The following MINK1 variants were observed in gnomAD, a reference collection of about 807,000 sequenced individuals.
MINK1 encodes misshapen like kinase 1, also known as misshapen-like kinase 1.
MINK1 carries 46 observed loss-of-function variants against 178.4 expected under a neutral mutation model. That is an observed-to-expected ratio of 0.26 (90% CI 0.20 to 0.33). The LOEUF is 0.33. Among genes scored for constraint, MINK1 ranks in the 10% least tolerant of loss-of-function variants. The pLI is 1.00. For missense variants in MINK1, 1,366 were observed against 1,814.9 expected (o/e 0.75, Z 4.49); for synonymous variants, 797 against 709.7 (o/e 1.12, Z -1.96).
chr17:4,850,730 C>T (rs148264410), intron 1 of MINK1, among the ~76,000 whole-genome samples: 11 of 152,240 alleles, frequency 7.2e-5, no homozygotes, highest in African/African-American at 2.6e-4. Context: ...TAGTCTCTTC[C>T]TTGGGTTTGT....
At chr17:4,853,561 T>A (rs1389528251) in intron 1 of MINK1, among the ~76,000 whole-genome samples, 2 of 151,938 alleles carry the variant, frequency 1.3e-5, no homozygotes, top group East Asian at 3.9e-4. Context: ...ACATTTCACT[T>A]GTTAGAGCCC....
In MINK1 at chr17:4,885,040, AC is replaced by A. The variant is rs747994763; in HGVS notation, c.508+40del. 1 of 1,598,352 alleles carries A rather than the reference AC, an allele frequency of 6.3e-7. No individual in the cohort carries two copies. Among genetic ancestry groups the A allele is most frequent in the East Asian group, 2.2e-5 (1 of 44,708 alleles). On this transcript the variant is annotated intron_variant, in intron 6 of 31. Transcript: ENST00000355280. This position sits in a 1 kb window ranked among gnomAD's most constrained non-coding sequence, Gnocchi z 5.0. The stretch of plus-strand genomic sequence containing the variant: ...CTTCTGAGGCTGACGAGGACCTTTC[AC>A]CTCCAGAACAGAGAATGAGGGGCCC...
In MINK1 at chr17:4,897,536, T is replaced by C; in HGVS notation, c.*249T>C. 2.1e-6 allele frequency: 1 copy of C among 486,344 alleles called. No homozygotes were observed. The highest frequency in any genetic ancestry group is 2.5e-5 in the South Asian group (1 of 40,000). The allele number at this position is 486,344 out of a possible 1,614,324, so 30.1% of individuals were successfully genotyped here. The stretch of plus-strand genomic sequence containing the variant: ...TCTGGGGAGGGACACAGCTTCCCCT[T>C]CCCAGGAATTGAGTGGGCCTAGCCC... On this transcript the variant is annotated 3_prime_UTR_variant, in exon 32 of 32. Transcript: ENST00000355280.
In MINK1 at chr17:4,897,478, GTCC is replaced by G. The variant is rs1160076461; in HGVS notation, c.*194_*196del. ...ACGTGACCATCCTCTTCCCCAACATGTCCTCTTCCCAAAACTGTGCCTGTCCCC... is the reference window on the plus strand; with the variant it reads ...ACGTGACCATCCTCTTCCCCAACATGTCTTCCCAAAACTGTGCCTGTCCCC... On this transcript the variant is annotated 3_prime_UTR_variant, in exon 32 of 32. Transcript: ENST00000355280. 1.8e-6 allele frequency: 1 copy of G among 571,246 alleles called. No individual in the cohort carries two copies. Among genetic ancestry groups the G allele is most frequent in the African/African-American group, 1.9e-5 (1 of 52,696 alleles). 35.4% of individuals were successfully genotyped at this position (571,246 alleles called of 1,614,324 possible).
At chr17:4,849,507 CTT>C (rs1203445391) in intron 1 of MINK1, among the ~76,000 whole-genome samples, 1 of 152,204 alleles carries the variant, frequency 6.6e-6, no homozygotes, top group Non-Finnish European at 1.5e-5. Context: ...TGCCTTGAGC[CTT>C]TGTGTGCTCC....
In MINK1 at chr17:4,839,037, A is replaced by G. The variant is rs371839069; in HGVS notation, c.57+5397A>G. Among the ~76,000 whole-genome samples the G allele has an allele frequency of 1.5e-4, 22 of 150,740 alleles. No individual in the cohort carries two copies. The South Asian group carries it at 1.5e-3, about 10-fold the overall frequency. On this transcript the variant is annotated intron_variant, in intron 1 of 31. Transcript: ENST00000355280. ...TGGCTCACTGCAAGCTCCACCTCCC[A>G]GGTTCACGCCATTCTCCTGCTTCAG...
intron 1 of MINK1, among the ~76,000 whole-genome samples, chr17:4,851,476 G>C (rs552755900): frequency 4.3e-4 from 66 of 152,108 alleles, no homozygotes; most frequent in Non-Finnish European, 7.8e-4. Context: ...TTCCATCTTA[G>C]AGCCTTCCTG....
chr17:4,893,359 G>C, intron 20 of MINK1, 75 bp from the exon 21 acceptor site: 1 of 1,612,574 alleles, frequency 6.2e-7, no homozygotes, highest in Admixed American at 1.7e-5. Flanking sequence ...GCCCTGCTGG[G>C]GTGTCCCGGC....
At chr17:4,852,473 G>A (rs1054040903) in intron 1 of MINK1, among the ~76,000 whole-genome samples, 5 of 151,666 alleles carry the variant, frequency 3.3e-5, no homozygotes, top group Non-Finnish European at 5.9e-5. Flanking sequence ...AGTGGAGGTC[G>A]GGAGGCACAG....
Position 4,897,398 on chromosome 17 carries a change from A to G in MINK1, c.*111A>G. The stretch of plus-strand genomic sequence containing the variant: ...CTGGGCTTTTGCTTTTACTGGTTTG[A>G]TTTCACTGGAGCCTGCTGGGAACGT... On this transcript the variant is annotated 3_prime_UTR_variant, in exon 32 of 32. Transcript: ENST00000355280. 2.1e-6 allele frequency: 2 copies of G among 956,212 alleles called. No homozygotes were observed. Among genetic ancestry groups the G allele is most frequent in the Non-Finnish European group, 1.6e-6 (1 of 625,338 alleles). 59.2% of individuals were successfully genotyped at this position (956,212 alleles called of 1,614,324 possible).
At chr17:4,877,091 G>GAA (rs1010571846) in intron 1 of MINK1, among the ~76,000 whole-genome samples, 1 of 100,520 alleles carries the variant, frequency 9.9e-6, no homozygotes, top group African/African-American at 3.7e-5. Context: ...AGTCTCAAAA[G>GAA]AAAAAAAAAA....
chr17:4,850,474 T>C (rs1437209002), intron 1 of MINK1, among the ~76,000 whole-genome samples: 1 of 152,064 alleles, frequency 6.6e-6, no homozygotes, highest in Non-Finnish European at 1.5e-5. Context: ...AACCCTGTTC[T>C]TTCTCAGAGT....
At position 4,885,747 on chromosome 17, in the gene MINK1, C is replaced by A. The variant is rs531929726; in HGVS notation, c.639+134C>A. ...CAGTGAGGGGCTGGGGAACATCTTA[C>A]GGCAAGGCAAGTGTGGGTGGGAAGA... On this transcript the variant is annotated intron_variant, in intron 7 of 31. Coordinates refer to ENST00000355280, the MANE Select transcript of MINK1 (RefSeq NM_153827.5). This position sits in a 1 kb window ranked among gnomAD's most constrained non-coding sequence, Gnocchi z 5.0. 1 of 1,420,190 alleles carries A rather than the reference C, an allele frequency of 7.0e-7. No homozygotes were observed. Among genetic ancestry groups the A allele is most frequent in the Non-Finnish European group, 9.6e-7 (1 of 1,039,022 alleles). The allele number at this position is 1,420,190 out of a possible 1,614,324, so 88.0% of individuals were successfully genotyped here.
chr17:4,857,866 G>A (rs1000732530), intron 1 of MINK1, among the ~76,000 whole-genome samples: 2 of 152,098 alleles, frequency 1.3e-5, no homozygotes, highest in African/African-American at 2.4e-5. Context: ...ATTGAAGGGT[G>A]CCTAAGACAC....
chr17:4,873,283 G>C (rs994981942), intron 1 of MINK1, among the ~76,000 whole-genome samples: 1 of 152,106 alleles, frequency 6.6e-6, no homozygotes, highest in South Asian at 2.1e-4. Flanking sequence ...ACAATAGAAT[G>C]TACCTGTGTA....
intron 1 of MINK1, among the ~76,000 whole-genome samples, chr17:4,872,600 G>A (rs1185936303): frequency 6.6e-6 from 1 of 151,888 alleles, no homozygotes; most frequent in Non-Finnish European, 1.5e-5. Flanking sequence ...GTAAAACCCC[G>A]TCTCTACTAA....
chr17:4,840,064 T>C (rs1013089376), intron 1 of MINK1, among the ~76,000 whole-genome samples: 8 of 152,032 alleles, frequency 5.3e-5, no homozygotes, highest in African/African-American at 1.7e-4. Flanking sequence ...TTTGAGCATA[T>C]GTTCTCAGGA....
chr17:4,854,857 G>A, intron 1 of MINK1: 1 of 460,096 alleles, frequency 2.2e-6, no homozygotes, highest in Non-Finnish European at 4.4e-6. Context: ...AGAGTGGAGA[G>A]TCTGTTTCAG....
intron 1 of MINK1, among the ~76,000 whole-genome samples, chr17:4,839,160 G>T (rs1008183626): frequency 1.3e-5 from 2 of 152,090 alleles, no homozygotes; most frequent in East Asian, 3.9e-4. Flanking sequence ...AGCCAGGATG[G>T]TCTTGATCTC....
Sources: gnomAD v4.1 joint callset for allele counts (sites outside exome capture counted in the v4.1 genomes callset) on GRCh38, gnomAD v4.1.1 for gene constraint, Gnocchi (gnomAD v3.1) non-coding constraint, MANE v1.5 for transcripts, NCBI Gene and HGNC (gene_info 2026-07-23, HGNC 2026-07-21) for gene names.